SYNPO2: variants seen among roughly 807,000 people sequenced by gnomAD.
The protein encoded by SYNPO2 is synaptopodin 2.
SYNPO2 carries 56 observed loss-of-function variants against 85.0 expected under a neutral mutation model. The ratio of observed to expected loss-of-function variants is 0.66; its 90% CI spans 0.53 to 0.82. The LOEUF (loss-of-function observed/expected upper bound fraction) is 0.82, where lower values mean the gene tolerates loss of function less well. SYNPO2 is among the 40% of genes least tolerant of loss of function. The pLI is 0.00. For missense variants in SYNPO2, 1,575 were observed against 1,534.2 expected, an observed-to-expected ratio of 1.03 and a Z score of -0.44; for synonymous variants, 602 against 591.1, an observed-to-expected ratio of 1.02 and a Z score of -0.27.
intron 1 of SYNPO2, among the ~76,000 whole-genome samples, chr4:119,022,512 GTTTTTTTTT>G (rs778146297): frequency 3.9e-4 from 34 of 87,126 alleles, no homozygotes; most frequent in Admixed American, 9.4e-4. Context: ...TTTTTTGTAG[GTTTTTTTTT>G]TTTTTTTTTT....
At chr4:118,878,689 G>T (rs145176560) in intron 1 of SYNPO2, among the ~76,000 whole-genome samples, 4 of 152,158 alleles carry the variant, frequency 2.6e-5, no homozygotes, top group Non-Finnish European at 4.4e-5. Flanking sequence ...TCAGTGCTCT[G>T]TGTCTAGCTA....
intron 1 of SYNPO2, among the ~76,000 whole-genome samples, chr4:119,006,715 T>A (rs1382438832): frequency 6.6e-6 from 1 of 152,188 alleles, no homozygotes; most frequent in African/African-American, 2.4e-5. Flanking sequence ...GTTTTCTTTA[T>A]AACACTTGTA....
intron 4 of SYNPO2, among the ~76,000 whole-genome samples, chr4:119,047,271 G>A (rs1213693088): frequency 6.6e-6 from 1 of 152,172 alleles, no homozygotes; most frequent in Admixed American, 6.5e-5. Context: ...TGTTGGCCAG[G>A]CTGATCATGA....
At chr4:119,037,242 C>T (rs1410703502) in intron 4 of SYNPO2, 23 of 1,491,926 alleles carry the variant, frequency 1.5e-5, no homozygotes, top group Non-Finnish European at 4.5e-6. Context: ...AGAAATCCTG[C>T]TTTCACATCT....
chr4:119,046,186 T>C (rs1320233303), intron 4 of SYNPO2, among the ~76,000 whole-genome samples: 1 of 152,238 alleles, frequency 6.6e-6, no homozygotes, highest in Non-Finnish European at 1.5e-5. Context: ...AAAAGTTTTG[T>C]ACATTTTAGT....
rs182339866 is a variant in SYNPO2, at chr4:118,989,470, C to A, written c.106-33960C>A. Among the ~76,000 whole-genome samples, 573 of 152,310 alleles carry A rather than the reference C, an allele frequency of 3.8e-3. 1 individual carries two copies. Among genetic ancestry groups the A allele is most frequent in the Non-Finnish European group, 5.7e-3 (389 of 68,028 alleles). ...AATTGTTTCATGTGTGATCATATCT[C>A]CCTAGCAAGCCTGAGGGCATCTGAA... On this transcript the variant is annotated intron_variant, in intron 1 of 4. Transcript: ENST00000307142.
At chr4:118,907,074 C>T (rs76518241) in intron 1 of SYNPO2, among the ~76,000 whole-genome samples, 27,820 of 151,956 alleles carry the variant, frequency 0.18, 3,166 homozygotes, top group Admixed American at 0.29. Context: ...CTCAGCCTTC[C>T]GAAGTGCTGG....
At chr4:118,998,058 G>A (rs994534526) in intron 1 of SYNPO2, among the ~76,000 whole-genome samples, 8 of 152,176 alleles carry the variant, frequency 5.3e-5, no homozygotes, top group African/African-American at 1.9e-4. Context: ...ATTCTGACGG[G>A]GGTGGTAAGG....
intron 4 of SYNPO2, among the ~76,000 whole-genome samples, chr4:119,048,446 C>CCTTA (rs963924817): frequency 1.3e-5 from 2 of 152,024 alleles, no homozygotes; most frequent in African/African-American, 4.8e-5. Context: ...AAACCTTTAC[C>CCTTA]CTTAGATGGA....
intron 1 of SYNPO2, among the ~76,000 whole-genome samples, chr4:119,008,732 T>A (rs1737175028): frequency 6.6e-6 from 1 of 152,186 alleles, no homozygotes; most frequent in Non-Finnish European, 1.5e-5. Context: ...TTATATATGA[T>A]ACTGTGTAGT....
chr4:118,899,401 C>CT (rs958771775), intron 1 of SYNPO2, among the ~76,000 whole-genome samples: 2 of 151,290 alleles, frequency 1.3e-5, no homozygotes, highest in African/African-American at 2.4e-5. Context: ...CTGACCAGAA[C>CT]TTTTTTTTTA....
chr4:118,995,894 CT>C (rs138223843), intron 1 of SYNPO2, among the ~76,000 whole-genome samples: 1,543 of 150,544 alleles, frequency 0.01, 23 homozygotes, highest in African/African-American at 0.036. Flanking sequence ...ATCTATCTAT[CT>C]ATCTATCTAT....
chr4:119,019,163 C>T (rs1719789081), intron 1 of SYNPO2, among the ~76,000 whole-genome samples: 1 of 152,094 alleles, frequency 6.6e-6, no homozygotes, highest in Non-Finnish European at 1.5e-5. Flanking sequence ...CCCCCCGTGA[C>T]ACGTGTTTAC....
chr4:119,043,440 AT>A (rs1325568734), intron 4 of SYNPO2: 1 of 152,212 alleles, frequency 6.6e-6, no homozygotes, highest in Non-Finnish European at 1.5e-5. Flanking sequence ...AAGTGAAAAA[AT>A]TGTTTAACAA....
chr4:118,899,844 C>T (rs531631624), intron 1 of SYNPO2, among the ~76,000 whole-genome samples: 1 of 152,334 alleles, frequency 6.6e-6, no homozygotes, highest in South Asian at 2.1e-4. Flanking sequence ...CCACTGCAAC[C>T]TCTGCCTCCC....
chr4:118,978,829 AC>A (rs1162320240), intron 1 of SYNPO2, among the ~76,000 whole-genome samples: 1 of 138,384 alleles, frequency 7.2e-6, no homozygotes, highest in Admixed American at 7.3e-5. Context: ...ACACACACAC[AC>A]ACTTAGCCCA....
chr4:118,983,989 G>C (rs1161546199), intron 1 of SYNPO2, among the ~76,000 whole-genome samples: 1 of 152,116 alleles, frequency 6.6e-6, no homozygotes, highest in East Asian at 1.9e-4. Flanking sequence ...AAGTTGACTG[G>C]ACATGGGGAG....
chr4:119,043,066 T>G lies in SYNPO2; in HGVS notation c.3252+11039T>G, dbSNP rs1259985218. The G allele has an allele frequency of 3.3e-5, 5 of 153,204 alleles. No homozygotes were observed. In the East Asian group the frequency reaches 7.6e-4, roughly 23 times the overall value. The allele number at this position is 153,204 out of a possible 1,614,324, so 9.5% of individuals were successfully genotyped here. Reference sequence around the variant, plus strand: ...TTTTGTTTGTTTGGTTGGTTGTTTTTTTTCTTTTGTTTTTGTTTTGTTTTG... The same window carrying G: ...TTTTGTTTGTTTGGTTGGTTGTTTTGTTTCTTTTGTTTTTGTTTTGTTTTG... On this transcript the variant is annotated intron_variant, in intron 4 of 4. Transcript: ENST00000307142.
At position 118,868,786 on chromosome 4, in the gene SYNPO2, G is replaced by T. The variant is rs542893372; in HGVS notation, c.12+17846G>T. ...AATGGAAGGAAATACTTTATTTAAG[G>T]CCAGATTTGTCAAAGTGCTAGAAAA... On this transcript the variant is annotated intron_variant, in intron 1 of 4. Transcript: ENST00000610556. Among the ~76,000 whole-genome samples the T allele has an allele frequency of 5.3e-5, 8 of 152,274 alleles. No homozygotes were observed. In the South Asian group the frequency reaches 1.4e-3, roughly 28 times the overall value.
Sources: gnomAD v4.1 joint callset for allele counts (sites outside exome capture counted in the v4.1 genomes callset) on GRCh38, gnomAD v4.1.1 for gene constraint, MANE v1.5 for transcripts, NCBI Gene and HGNC (gene_info 2026-07-23, HGNC 2026-07-21) for gene names.